Variants in ERBB4 observed in about 807,000 individuals in gnomAD.
The protein encoded by ERBB4 is receptor tyrosine-protein kinase erbB-4.
ERBB4 carries 42 observed loss-of-function variants against 158.0 expected under a neutral mutation model. The ratio of observed to expected loss-of-function variants is 0.27; its 90% CI spans 0.21 to 0.34. The LOEUF is 0.34. Among genes scored for constraint, ERBB4 ranks in the 10% least tolerant of loss-of-function variants. The pLI, the probability that ERBB4 is intolerant of heterozygous loss-of-function variation, is 1.00. For synonymous variants in ERBB4, 583 were observed against 558.7 expected, an observed-to-expected ratio of 1.04 and a Z score of -0.61; for missense variants, 1,333 against 1,624.1, an observed-to-expected ratio of 0.82 and a Z score of 3.08.
chr2:212,170,960 G>A (rs531103882), intron 1 of ERBB4, among the ~76,000 whole-genome samples: 131 of 152,176 alleles, frequency 8.6e-4, no homozygotes, highest in Non-Finnish European at 1.5e-3. Context: ...TGTAAGAAGA[G>A]GGCCACCATC....
intron 2 of ERBB4, among the ~76,000 whole-genome samples, chr2:212,092,070 C>G (rs1451742105): frequency 6.6e-6 from 1 of 152,084 alleles, no homozygotes; most frequent in African/African-American, 2.4e-5. Context: ...ATTATTATAA[C>G]TCTAGGTCAC....
At chr2:211,671,205 A>G (rs2071824589) in intron 14 of ERBB4, among the ~76,000 whole-genome samples, 1 of 152,170 alleles carries the variant, frequency 6.6e-6, no homozygotes, top group Non-Finnish European at 1.5e-5. Context: ...AAGAAAAGAT[A>G]ATGTGAAAAA....
intron 3 of ERBB4, among the ~76,000 whole-genome samples, chr2:211,903,291 A>T (rs2079288059): frequency 6.6e-6 from 1 of 152,108 alleles, no homozygotes; most frequent in Non-Finnish European, 1.5e-5. Flanking sequence ...ATAATGTTAA[A>T]TTAAATATCA....
intron 19 of ERBB4, among the ~76,000 whole-genome samples, chr2:211,562,315 A>C (rs2067418945): frequency 6.6e-6 from 1 of 152,262 alleles, no homozygotes; most frequent in Non-Finnish European, 1.5e-5. Context: ...GGAAGCTGTT[A>C]TACAATAACT....
intron 1 of ERBB4, among the ~76,000 whole-genome samples, chr2:212,233,603 A>G (rs2083742788): frequency 1.3e-5 from 2 of 152,090 alleles, no homozygotes; most frequent in African/African-American, 4.8e-5. Flanking sequence ...ACACGTTTAT[A>G]TTTACTTTTA....
At chr2:212,448,563 A>C (rs1052389582) in intron 1 of ERBB4, among the ~76,000 whole-genome samples, 1 of 152,124 alleles carries the variant, frequency 6.6e-6, no homozygotes, top group East Asian at 1.9e-4. Flanking sequence ...TGTAACATAT[A>C]AAAGGTATTA....
chr2:212,261,046 T>C (rs1173069314), intron 1 of ERBB4, among the ~76,000 whole-genome samples: 1 of 152,128 alleles, frequency 6.6e-6, no homozygotes. Flanking sequence ...TCTATAATAA[T>C]CCGGACTTTG....
chr2:212,062,123 T>A (rs770258760), intron 2 of ERBB4, among the ~76,000 whole-genome samples: 1 of 152,192 alleles, frequency 6.6e-6, no homozygotes, highest in Non-Finnish European at 1.5e-5. Flanking sequence ...TCATTGTGAG[T>A]AGCCATCAGA....
intron 20 of ERBB4, among the ~76,000 whole-genome samples, chr2:211,557,239 T>G (rs947195586): frequency 6.6e-6 from 1 of 152,066 alleles, no homozygotes; most frequent in Non-Finnish European, 1.5e-5. Context: ...CAAAAGGAAT[T>G]GCAAGAAAAA....
chr2:212,114,095 A>C (rs1291800660), intron 2 of ERBB4, among the ~76,000 whole-genome samples: 5 of 152,202 alleles, frequency 3.3e-5, no homozygotes, highest in Admixed American at 1.3e-4. Context: ...TGAACTAGAC[A>C]TGGGCTTTGT....
intron 1 of ERBB4, among the ~76,000 whole-genome samples, chr2:212,411,638 G>A (rs1441305588): frequency 1.3e-5 from 2 of 151,456 alleles, no homozygotes; most frequent in African/African-American, 4.9e-5. Context: ...AGGATCTCGT[G>A]TTGGAGCTCT....
chr2:211,516,942 C>A (rs2066050311), intron 20 of ERBB4, among the ~76,000 whole-genome samples: 1 of 152,124 alleles, frequency 6.6e-6, no homozygotes, highest in African/African-American at 2.4e-5. Flanking sequence ...GTAGCCAATT[C>A]TTTCCCACCA....
chr2:212,436,583 T>G (rs1314185855), intron 1 of ERBB4, among the ~76,000 whole-genome samples: 4 of 152,028 alleles, frequency 2.6e-5, no homozygotes, highest in Non-Finnish European at 5.9e-5. Flanking sequence ...AGTCTCAGCT[T>G]CTCTACATTC....
intron 1 of ERBB4, among the ~76,000 whole-genome samples, chr2:212,148,742 A>G (rs1482000259): frequency 1.3e-5 from 2 of 150,192 alleles, no homozygotes; most frequent in African/African-American, 4.9e-5. Flanking sequence ...ATTATTCACA[A>G]TAGCAAAGAC....
intron 1 of ERBB4, among the ~76,000 whole-genome samples, chr2:212,306,378 T>C (rs1286064412): frequency 1.3e-5 from 2 of 151,432 alleles, no homozygotes; most frequent in African/African-American, 4.8e-5. Flanking sequence ...CTTAGCACTG[T>C]GAGGCACAGG....
chr2:212,179,689 T>C (rs2081794381), intron 1 of ERBB4, among the ~76,000 whole-genome samples: 1 of 151,702 alleles, frequency 6.6e-6, no homozygotes, highest in Admixed American at 6.6e-5. Context: ...TGAATGTAAC[T>C]GTGGATCATT....
At chr2:212,033,878 A>G (rs1266563720) in intron 2 of ERBB4, among the ~76,000 whole-genome samples, 1 of 151,960 alleles carries the variant, frequency 6.6e-6, no homozygotes, top group Non-Finnish European at 1.5e-5. Context: ...CGCTGTGAAG[A>G]TTCTATAATG....
At chr2:212,325,898 C>T (rs7575355) in intron 1 of ERBB4, among the ~76,000 whole-genome samples, 92,289 of 149,832 alleles carry the variant, frequency 0.62, 30,920 homozygotes, top group East Asian at 0.74. Flanking sequence ...AAATTGTTTG[C>T]TCATAATTTT....
At chr2:211,562,897 A>G (rs374476537) in intron 19 of ERBB4, among the ~76,000 whole-genome samples, 104 of 149,058 alleles carry the variant, frequency 7.0e-4, no homozygotes, top group Middle Eastern at 3.5e-3. Context: ...TCAGCCTCCC[A>G]AGTAGCTGGG....
Sources: gnomAD v4.1 joint callset for allele counts (sites outside exome capture counted in the v4.1 genomes callset) on GRCh38, gnomAD v4.1.1 for gene constraint, MANE v1.5 for transcripts, NCBI Gene and HGNC (gene_info 2026-07-23, HGNC 2026-07-21) for gene names.